HDAC4: variants seen among roughly 807,000 people sequenced by gnomAD.
HDAC4 encodes histone deacetylase A.
In HDAC4, 16 loss-of-function variants were observed where a neutral mutation model predicts 135.1. The observed-to-expected ratio is 0.12, with a 90% CI of 0.08 to 0.18. The LOEUF is 0.18. Among genes scored for constraint, HDAC4 ranks in the 10% least tolerant of loss-of-function variants. HDAC4 has a pLI of 1.00. For synonymous variants in HDAC4, 685 were observed against 653.4 expected (o/e 1.05, Z -0.74); for missense variants, 1,143 against 1,511.8 (o/e 0.76, Z 4.05).
In HDAC4 at chr2:239,285,932, T is replaced by A. The variant is rs1446914950; in HGVS notation, c.23-49268A>T. Among the ~76,000 whole-genome samples the A allele has an allele frequency of 5.3e-5, 8 of 151,994 alleles. No homozygotes were observed. Among genetic ancestry groups the A allele is most frequent in the Non-Finnish European group, 1.0e-4 (7 of 67,998 alleles). On this transcript the variant is annotated intron_variant, in intron 2 of 26. Transcript: ENST00000543185. The surrounding 1 kb of genome is among the most constrained non-coding windows in gnomAD (Gnocchi z 4.5). The stretch of plus-strand genomic sequence containing the variant: ...AGAACGGCCTCCTCACTCCCATCCC[T>A]CTATTTCCAAACAGTAAGACCAGCG...
rs1559478796 is a variant in HDAC4 at position 239,126,495 on chromosome 2, GTGTTTC to G, written c.1488_1493del (p.Glu496_His498delinsAsp). ...GTTGCTGCTGCTGGAACTGCTGCTTGTGTTTCTCCAGAAACTGCTGATGCTGCTGCT... is the reference window on the plus strand; with the variant it reads ...GTTGCTGCTGCTGGAACTGCTGCTTGTCCAGAAACTGCTGATGCTGCTGCT... On this transcript the variant is annotated inframe_deletion, in exon 12 of 27. Coordinates refer to ENST00000543185, the MANE Select transcript of HDAC4 (RefSeq NM_001378414.1). The G allele has an allele frequency of 6.2e-7, 1 of 1,613,672 alleles. No individual in the cohort carries two copies.
intron 2 of HDAC4, among the ~76,000 whole-genome samples, chr2:239,284,133 C>T (rs2050995733): frequency 6.6e-6 from 1 of 152,242 alleles, no homozygotes; most frequent in African/African-American, 2.4e-5. Context: ...ACCTGCTGCC[C>T]ATCACAGGCC....
At chr2:239,280,263 C>T (rs557992220) in intron 2 of HDAC4, among the ~76,000 whole-genome samples, 22 of 152,278 alleles carry the variant, frequency 1.4e-4, no homozygotes, top group African/African-American at 3.1e-4. Flanking sequence ...AGCTGATGTG[C>T]GAGTGCCTCG....
rs761741420 is a variant in HDAC4, at chr2:239,262,053, T to C, written c.23-25389A>G. Among the ~76,000 whole-genome samples the C allele has an allele frequency of 6.6e-6, 1 of 152,188 alleles. No homozygotes were observed. On this transcript the variant is annotated intron_variant, in intron 2 of 26. Coordinates refer to ENST00000543185, the MANE Select transcript of HDAC4 (RefSeq NM_001378414.1). The surrounding 1 kb of genome is among the most constrained non-coding windows in gnomAD (Gnocchi z 4.1). Reference sequence around the variant, plus strand: ...GGTGGGAATCCAGCAGGGTGGCATCTGCCCCCTTGTCGCTCCAAGGGAAAG... The same window carrying C: ...GGTGGGAATCCAGCAGGGTGGCATCCGCCCCCTTGTCGCTCCAAGGGAAAG...
rs962274448 is a variant in HDAC4 at position 239,049,661 on chromosome 2, G to C, written c.*3436C>G. On this transcript the variant is annotated 3_prime_UTR_variant, in exon 27 of 27. Transcript: ENST00000543185. ...ACTTGCTTTTGTGTCAGACCATTAC[G>C]AAATGGTCCTTCCCCTTGCAAACAG... 1.3e-5 allele frequency: 2 copies of C among 152,500 alleles called. No individual in the cohort carries two copies. Among genetic ancestry groups the C allele is most frequent in the Admixed American group, 1.3e-4 (2 of 15,278 alleles). 9.4% of individuals were successfully genotyped at this position (152,500 alleles called of 1,614,324 possible). A position where few individuals can be genotyped will look rare whatever the true frequency, so the allele number is the denominator to read the frequency against.
chr2:239,357,660 G>A (rs1352716700), intron 1 of HDAC4, among the ~76,000 whole-genome samples: 6 of 151,550 alleles, frequency 4.0e-5, no homozygotes, highest in African/African-American at 1.5e-4. Context: ...GAGGTGGGGG[G>A]ATTGCTTGAG....
At position 239,191,931 on chromosome 2, in the gene HDAC4, C is replaced by T. The variant is rs555544785; in HGVS notation, c.95-1854G>A. 5.3e-5 allele frequency among the ~76,000 whole-genome samples: 8 copies of T among 152,374 alleles called. No homozygotes were observed. The South Asian group carries it at 8.3e-4, about 16-fold the overall frequency. On this transcript the variant is annotated intron_variant, in intron 3 of 26. Coordinates refer to ENST00000543185, the MANE Select transcript of HDAC4 (RefSeq NM_001378414.1). ...TCTGATCACATTCCACAGCGCAGCA[C>T]GGGCTGCCTCGTTGTTATTGTTGTT... is the stretch of plus-strand genomic sequence containing the variant.
intron 7 of HDAC4, among the ~76,000 whole-genome samples, chr2:239,152,491 C>T (rs2042176581): frequency 6.6e-6 from 1 of 152,240 alleles, no homozygotes; most frequent in Non-Finnish European, 1.5e-5. Flanking sequence ...TGCCAATCTC[C>T]CAGGAAAGGG....
chr2:239,060,958 CCTT>C (rs1461050135), intron 24 of HDAC4, among the ~76,000 whole-genome samples: 1 of 152,250 alleles, frequency 6.6e-6, no homozygotes, highest in East Asian at 1.9e-4. Context: ...GGCCACAGCT[CCTT>C]CAACTCTGAA....
At chr2:239,353,067 G>T in intron 1 of HDAC4, 149 bp from the exon 2 acceptor site, 1 of 297,356 alleles carries the variant, frequency 3.4e-6, no homozygotes. Context: ...GTGGTGGCAC[G>T]ATCTGGGCTC....
intron 3 of HDAC4, among the ~76,000 whole-genome samples, chr2:239,205,172 C>T (rs2045970373): frequency 6.6e-6 from 1 of 152,232 alleles, no homozygotes; most frequent in African/African-American, 2.4e-5. Flanking sequence ...CAAACCTCTA[C>T]ATACTGTCAG....
chr2:239,299,705 G>C lies in HDAC4; in HGVS notation c.22+52973C>G, dbSNP rs2052134248. The stretch of plus-strand genomic sequence containing the variant: ...TCACGGAGCAAGGTCCTGCCCACCT[G>C]CACTGGTGGCCTCCCAGCAGCTCTC... On this transcript the variant is annotated intron_variant, in intron 2 of 26. Transcript: ENST00000543185. This position sits in a 1 kb window ranked among gnomAD's most constrained non-coding sequence, Gnocchi z 4.0. Among the ~76,000 whole-genome samples, 3 of 152,240 alleles carry C rather than the reference G, an allele frequency of 2.0e-5. No individual in the cohort carries two copies.
chr2:239,082,370 G>T, intron 20 of HDAC4, 149 bp from the exon 21 acceptor site: 1 of 1,068,882 alleles, frequency 9.4e-7, no homozygotes, highest in Non-Finnish European at 1.4e-6. Context: ...GTACCCGGCA[G>T]GCGCGATTCT....
At chr2:239,074,926 T>C in intron 22 of HDAC4, among the ~76,000 whole-genome samples, 1 of 152,108 alleles carries the variant, frequency 6.6e-6, no homozygotes, top group Non-Finnish European at 1.5e-5. Flanking sequence ...AAACTTTTAA[T>C]AAAGAACTCA....
chr2:239,212,141 T>C (rs2046380684), intron 3 of HDAC4, among the ~76,000 whole-genome samples: 1 of 152,198 alleles, frequency 6.6e-6, no homozygotes. Context: ...TAAGCATTTT[T>C]ACAAAGAAAC....
rs1427274798 is a variant in HDAC4, at chr2:239,190,040, G to A, written c.132C>T (p.Pro44=). ...GGCGCAGGTCCATGGGCACTGCCGA[G>A]GGGGCCACTTGCAGAGGCAGCGCCG... is the stretch of plus-strand genomic sequence containing the variant. ...VATALPLQVA[P]SAVPMDLRLD... is the part of the protein sequence containing the mutation. The change falls in exon 4 of 27, where the codon CCC becomes CCT. Residue 44 remains proline, a synonymous_variant. Coordinates refer to ENST00000543185, the MANE Select transcript of HDAC4 (RefSeq NM_001378414.1). 6.2e-7 allele frequency: 1 copy of A among 1,603,554 alleles called. No homozygotes were observed. The highest frequency in any genetic ancestry group is 1.7e-5 in the Admixed American group (1 of 59,984).
chr2:239,346,875 A>G lies in HDAC4; in HGVS notation c.22+5803T>C, dbSNP rs1692731178. ...CACACACACCCTATCTAAAACACAC[A>G]CACCCTAACACACACACCCTGTCTC... On this transcript the variant is annotated intron_variant, in intron 2 of 26. Coordinates refer to ENST00000543185, the MANE Select transcript of HDAC4 (RefSeq NM_001378414.1). 1.3e-5 allele frequency among the ~76,000 whole-genome samples: 2 copies of G among 150,174 alleles called. 1 individual carries two copies. Among genetic ancestry groups the G allele is most frequent in the African/African-American group, 4.9e-5 (2 of 40,598 alleles).
chr2:239,328,702 G>A (rs146901307), intron 2 of HDAC4, among the ~76,000 whole-genome samples: 3 of 152,280 alleles, frequency 2.0e-5, no homozygotes, highest in East Asian at 3.9e-4. Flanking sequence ...TGCCAGGCTC[G>A]GCACCTCTGA....
rs1696903913 is a variant in HDAC4 at position 239,400,533 on chromosome 2, G to T, written c.-220+445C>A. The T allele has an allele frequency of 6.9e-6, 1 of 145,648 alleles. No individual in the cohort carries two copies. Among genetic ancestry groups the T allele is most frequent in the African/African-American group, 2.5e-5 (1 of 40,644 alleles). The allele number at this position is 145,648 out of a possible 1,614,324, so 9.0% of individuals were successfully genotyped here. ...CCTGGGGACCGGCGGGTCCCACGGC[G>T]CGCGGCCAGCGCTGGCCCCCGCCTC... is the stretch of plus-strand genomic sequence containing the variant. On this transcript the variant is annotated intron_variant, in intron 1 of 26. Coordinates refer to ENST00000543185, the MANE Select transcript of HDAC4 (RefSeq NM_001378414.1). The surrounding 1 kb of genome is among the most constrained non-coding windows in gnomAD (Gnocchi z 4.7).
Sources: allele counts gnomAD v4.1 joint callset (sites outside exome capture counted in the v4.1 genomes callset), GRCh38; gene constraint gnomAD v4.1.1; non-coding constraint Gnocchi (gnomAD v3.1); transcripts MANE v1.5; gene names NCBI Gene and HGNC (gene_info 2026-07-23, HGNC 2026-07-21).